The following NBEA variants were observed in gnomAD, a reference collection of about 807,000 sequenced individuals.
NBEA encodes lysosomal-trafficking regulator 2.
Under a neutral mutation model 343.4 loss-of-function variants are expected in NBEA, and 44 were observed. The ratio of observed to expected loss-of-function variants is 0.13; its 90% CI spans 0.10 to 0.16. The LOEUF is 0.16. NBEA is among the 10% of genes least tolerant of loss of function. The probability of loss-of-function intolerance (pLI) is 1.00; values close to 1 mark genes in which losing one functional copy is unlikely to be tolerated. For missense variants in NBEA, 2,555 were observed against 3,631.3 expected (o/e 0.70, Z 7.62); for synonymous variants, 1,175 against 1,238.7 (o/e 0.95, Z 1.08).
At chr13:35,308,426 C>A (rs2037045959) in intron 35 of NBEA, among the ~76,000 whole-genome samples, 1 of 127,504 alleles carries the variant, frequency 7.8e-6, no homozygotes, top group Admixed American at 9.1e-5. Context: ...CAATCCAAAA[C>A]ACTGCTATTT....
chr13:35,597,693 C>G (rs2081872163), intron 47 of NBEA, among the ~76,000 whole-genome samples: 1 of 152,162 alleles, frequency 6.6e-6, no homozygotes, highest in African/African-American at 2.4e-5. Context: ...GAAGCCAGTA[C>G]TAGCACAGAG....
chr13:35,150,699 A>C (rs1290746193), intron 18 of NBEA, among the ~76,000 whole-genome samples: 2 of 152,120 alleles, frequency 1.3e-5, no homozygotes, highest in African/African-American at 4.8e-5. Context: ...AATCTCAGCA[A>C]TGCATCAGAA....
chr13:35,073,517 G>A (rs2063968421), intron 10 of NBEA, among the ~76,000 whole-genome samples: 1 of 152,066 alleles, frequency 6.6e-6, no homozygotes, highest in East Asian at 1.9e-4. Flanking sequence ...CTTCCACATA[G>A]TTTTCTCTAC....
At chr13:35,018,878 T>G (rs2061740192) in intron 1 of NBEA, among the ~76,000 whole-genome samples, 1 of 152,116 alleles carries the variant, frequency 6.6e-6, no homozygotes, top group Non-Finnish European at 1.5e-5. Flanking sequence ...TAGCTATAGG[T>G]TTTTTATAGA....
At chr13:35,219,753 A>T (rs1435678993) in intron 33 of NBEA, among the ~76,000 whole-genome samples, 1 of 152,104 alleles carries the variant, frequency 6.6e-6, no homozygotes, top group African/African-American at 2.4e-5. Flanking sequence ...AGAAGAGCCG[A>T]TGTTTCCGTC....
At chr13:35,124,753 T>C (rs1359381438) in intron 17 of NBEA, among the ~76,000 whole-genome samples, 1 of 151,512 alleles carries the variant, frequency 6.6e-6, no homozygotes, top group Non-Finnish European at 1.5e-5. Flanking sequence ...TACACACATA[T>C]GTATGGATAT....
chr13:35,207,537 C>T (rs1566459078), intron 31 of NBEA, among the ~76,000 whole-genome samples: 2 of 152,096 alleles, frequency 1.3e-5, no homozygotes, highest in African/African-American at 4.8e-5. Context: ...TGAACCTTTA[C>T]TGCAAGAAAA....
At chr13:35,055,693 T>G (rs1264111890) in intron 6 of NBEA, among the ~76,000 whole-genome samples, 1 of 152,196 alleles carries the variant, frequency 6.6e-6, no homozygotes, top group African/African-American at 2.4e-5. Context: ...TCTGCAGTGC[T>G]TGGCACAATG....
At chr13:35,039,850 A>G (rs932180948) in intron 1 of NBEA, among the ~76,000 whole-genome samples, 2 of 152,014 alleles carry the variant, frequency 1.3e-5, no homozygotes, top group Non-Finnish European at 2.9e-5. Flanking sequence ...ATCTACTCAT[A>G]TTTTATGTCT....
At chr13:34,953,608 C>T (rs1289705452) in intron 1 of NBEA, among the ~76,000 whole-genome samples, 4 of 152,148 alleles carry the variant, frequency 2.6e-5, no homozygotes, top group African/African-American at 9.7e-5. Flanking sequence ...TTAGTACCCA[C>T]ACATTCTATT....
At chr13:35,244,026 A>G (rs1173682440) in intron 34 of NBEA, among the ~76,000 whole-genome samples, 1 of 151,950 alleles carries the variant, frequency 6.6e-6, no homozygotes, top group Admixed American at 6.6e-5. Flanking sequence ...CATTAAGACC[A>G]TATGTTAGGT....
intron 41 of NBEA, among the ~76,000 whole-genome samples, chr13:35,539,915 C>CAAAAAAAAAAAAAAAAAAAAAAA (rs71081262): frequency 1.0e-4 from 4 of 39,614 alleles, no homozygotes; most frequent in East Asian, 4.1e-4. Context: ...GACTCCGTCT[C>CAAAAAAAAAAAAAAAAAAAAAAA]AAAAAAAAAA....
chr13:35,008,763 G>T (rs2061395426), intron 1 of NBEA, among the ~76,000 whole-genome samples: 1 of 152,138 alleles, frequency 6.6e-6, no homozygotes, highest in African/African-American at 2.4e-5. Flanking sequence ...ATACAATATG[G>T]TCTGTTGCTA....
In NBEA at chr13:35,667,450, A is replaced by G. The variant is rs1188533649; in HGVS notation, c.8541A>G (p.Pro2847=). 1 of 1,613,744 alleles carries G rather than the reference A, an allele frequency of 6.2e-7. No individual in the cohort carries two copies. Among genetic ancestry groups the G allele is most frequent in the Admixed American group, 1.7e-5 (1 of 59,990 alleles). Residue 2847 remains proline (P), a synonymous_variant, in exon 57 of 59, where the codon CCA becomes CCG. Transcript: ENST00000379939. ...ALEGPENCLF[P]RLISVSSEGH... ...AAGGACCAGAAAACTGCTTATTCCC[A>G]CGCTTGATATCTGTCTCCAGCGAAG...
At chr13:35,173,691 G>T (rs2070652018) in intron 27 of NBEA, 97 bp downstream of exon 27, 2 of 1,187,866 alleles carry the variant, frequency 1.7e-6, no homozygotes, top group South Asian at 3.8e-5. Flanking sequence ...CTCAGTGATA[G>T]AGAGCAAGGA....
chr13:35,395,937 A>G (rs190714724), intron 38 of NBEA, among the ~76,000 whole-genome samples: 1 of 152,320 alleles, frequency 6.6e-6, no homozygotes, highest in East Asian at 1.9e-4. Flanking sequence ...TTTGTCTGAT[A>G]ATAATATACA....
intron 41 of NBEA, among the ~76,000 whole-genome samples, chr13:35,509,779 G>T (rs575971310): frequency 2.0e-5 from 3 of 152,142 alleles, no homozygotes; most frequent in Non-Finnish European, 2.9e-5. Flanking sequence ...TGGACTGACC[G>T]GCGAACAGTG....
At chr13:35,203,213 A>T (rs1229051661) in intron 31 of NBEA, among the ~76,000 whole-genome samples, 1 of 152,108 alleles carries the variant, frequency 6.6e-6, no homozygotes, top group East Asian at 1.9e-4. Flanking sequence ...CATCTATACA[A>T]TGGACTACAA....
rs1593345677 is a variant in NBEA, at chr13:35,101,013, A to G, written c.1680+2608A>G. Among the ~76,000 whole-genome samples the G allele has an allele frequency of 2.0e-5, 3 of 152,084 alleles. No individual in the cohort carries two copies. The East Asian group carries it at 5.8e-4, about 29-fold the overall frequency. On this transcript the variant is annotated intron_variant, in intron 11 of 58. Transcript: ENST00000379939. ...AGCATAATGTTTTCAGTGTGCATCC[A>G]TGTTATAGCATATTTTAGAACTCCG...
Sources: gnomAD v4.1 joint callset for allele counts (sites outside exome capture counted in the v4.1 genomes callset) on GRCh38, gnomAD v4.1.1 for gene constraint, MANE v1.5 for transcripts, NCBI Gene and HGNC (gene_info 2026-07-23, HGNC 2026-07-21) for gene names.